MSRA: variants seen among roughly 807,000 people sequenced by gnomAD.
The protein encoded by MSRA is methionine sulfoxide reductase A.
MSRA carries 54 observed loss-of-function variants against 31.3 expected under a neutral mutation model. The observed-to-expected ratio is 1.73, with a 90% confidence interval of 1.39 to 2.17. The LOEUF (loss-of-function observed/expected upper bound fraction) is 2.17. MSRA is among the 30% of genes most tolerant of loss of function. The pLI, the probability that MSRA is intolerant of heterozygous loss-of-function variation, is 0.00. For missense variants in MSRA, 507 were observed against 300.9 expected (o/e 1.69, Z -5.07); for synonymous variants, 169 against 116.5 (o/e 1.45, Z -2.90).
chr8:10,326,773 T>C lies in MSRA; in HGVS notation c.543+6784T>C, dbSNP rs150794325. On this transcript the variant is annotated intron_variant, in intron 5 of 5. Coordinates refer to ENST00000317173, the MANE Select transcript of MSRA (RefSeq NM_012331.5). ...TTGCAAGACATCATCTAATGTATTA[T>C]TGTTTTTGGATTGTCAAATATGGAC... is the stretch of plus-strand genomic sequence containing the variant. 1.0e-3 allele frequency among the ~76,000 whole-genome samples: 151 copies of C among 151,554 alleles called. 1 individual carries two copies. In the East Asian group the frequency reaches 0.028, roughly 28 times the overall value.
chr8:10,170,829 A>G (rs1194942703), intron 1 of MSRA, among the ~76,000 whole-genome samples: 3 of 152,234 alleles, frequency 2.0e-5, no homozygotes, highest in African/African-American at 7.2e-5. Context: ...ACTCTGTCCA[A>G]TCAGCCCAAG....
At chr8:10,277,390 G>C (rs1459715207) in intron 3 of MSRA, among the ~76,000 whole-genome samples, 1 of 152,094 alleles carries the variant, frequency 6.6e-6, no homozygotes, top group Non-Finnish European at 1.5e-5. Flanking sequence ...TGTTTTCTTG[G>C]GAAGGTCACT....
chr8:10,157,407 T>C (rs998491901), intron 1 of MSRA, among the ~76,000 whole-genome samples: 2 of 152,148 alleles, frequency 1.3e-5, no homozygotes, highest in African/African-American at 4.8e-5. Context: ...CTGGTTGATA[T>C]CTCAGTTAAT....
chr8:10,324,784 T>C (rs1462202128), intron 5 of MSRA, among the ~76,000 whole-genome samples: 1 of 152,168 alleles, frequency 6.6e-6, no homozygotes, highest in Non-Finnish European at 1.5e-5. Flanking sequence ...CCATACAAGT[T>C]AGCCCCTGCC....
rs1202236887 is a variant in MSRA, at chr8:10,100,394, C to G, written c.142+45736C>G. On this transcript the variant is annotated intron_variant, in intron 1 of 5. Transcript: ENST00000317173. ...TGCCTTGATCTGCTGCAGGAAGGTA[C>G]CAAGTCCCCATTGTGCTTGTGGAGG... Among the ~76,000 whole-genome samples the G allele has an allele frequency of 3.3e-5, 5 of 152,080 alleles. No individual in the cohort carries two copies. In the East Asian group the frequency reaches 7.7e-4, roughly 24 times the overall value.
intron 1 of MSRA, among the ~76,000 whole-genome samples, chr8:10,142,549 T>G (rs1393238735): frequency 1.3e-5 from 2 of 152,232 alleles, no homozygotes; most frequent in African/African-American, 4.8e-5. Context: ...GAAGCTCTGA[T>G]TTTTCCCCTC....
At chr8:10,359,543 C>G (rs931450031) in intron 5 of MSRA, among the ~76,000 whole-genome samples, 2 of 152,202 alleles carry the variant, frequency 1.3e-5, no homozygotes, top group African/African-American at 4.8e-5. Context: ...TCCTCTCCTT[C>G]TCCACCTCCT....
intron 5 of MSRA, among the ~76,000 whole-genome samples, chr8:10,333,186 G>A (rs369696110): frequency 4.6e-5 from 7 of 152,104 alleles, no homozygotes; most frequent in East Asian, 3.9e-4. Context: ...ATTTCTCCAC[G>A]GGCCACACTC....
intron 1 of MSRA, among the ~76,000 whole-genome samples, chr8:10,066,012 TTAATATAA>T (rs1563390420): frequency 6.7e-6 from 1 of 149,148 alleles, no homozygotes; most frequent in African/African-American, 2.4e-5. Context: ...TTAATATAAC[TTAATATAA>T]TAATATATAA....
intron 1 of MSRA, among the ~76,000 whole-genome samples, chr8:10,182,589 G>A (rs957089728): frequency 2.0e-5 from 3 of 152,078 alleles, no homozygotes; most frequent in Non-Finnish European, 4.4e-5. Flanking sequence ...TTTATTGTGG[G>A]CACATAGTAG....
At chr8:10,166,408 ATG>A (rs1454782004) in intron 1 of MSRA, among the ~76,000 whole-genome samples, 7 of 151,826 alleles carry the variant, frequency 4.6e-5, no homozygotes, top group African/African-American at 1.5e-4. Flanking sequence ...ATATGTGTGT[ATG>A]TGTTTGCATA....
intron 1 of MSRA, chr8:10,095,852 C>G (rs554297411): frequency 1.6e-6 from 2 of 1,268,052 alleles, no homozygotes; most frequent in Non-Finnish European, 2.0e-6. Context: ...AGTGTCCATG[C>G]ATTTGGGAAA....
chr8:10,198,806 T>C (rs1030517038), intron 1 of MSRA, among the ~76,000 whole-genome samples: 1 of 152,182 alleles, frequency 6.6e-6, no homozygotes, highest in African/African-American at 2.4e-5. Context: ...TTATTTATTT[T>C]TTGTAGCAAT....
At chr8:10,166,994 G>A (rs1413861919) in intron 1 of MSRA, among the ~76,000 whole-genome samples, 1 of 152,132 alleles carries the variant, frequency 6.6e-6, no homozygotes, top group African/African-American at 2.4e-5. Context: ...AGAGGATGAG[G>A]TGACATGGAG....
chr8:10,232,049 C>T (rs1228959975), intron 2 of MSRA, among the ~76,000 whole-genome samples: 1 of 152,198 alleles, frequency 6.6e-6, no homozygotes, highest in Middle Eastern at 3.2e-3. Context: ...TGTACAGTCT[C>T]AGGGTGGAAT....
At chr8:10,304,441 G>C (rs1172641533) in intron 4 of MSRA, among the ~76,000 whole-genome samples, 1 of 152,240 alleles carries the variant, frequency 6.6e-6, no homozygotes, top group African/African-American at 2.4e-5. Flanking sequence ...GTTAGCACTT[G>C]AACATTAAAG....
At chr8:10,330,478 T>C (rs1218431898) in intron 5 of MSRA, among the ~76,000 whole-genome samples, 1 of 152,212 alleles carries the variant, frequency 6.6e-6, no homozygotes, top group Non-Finnish European at 1.5e-5. Context: ...CTCCTTATTC[T>C]CCCGTCCCAT....
At chr8:10,186,988 AG>A (rs1489090516) in intron 1 of MSRA, among the ~76,000 whole-genome samples, 2 of 152,142 alleles carry the variant, frequency 1.3e-5, no homozygotes, top group African/African-American at 4.8e-5. Flanking sequence ...GTGTTGGCAG[AG>A]GGTTGCCTTT....
At chr8:10,257,710 G>A (rs183219518) in intron 3 of MSRA, among the ~76,000 whole-genome samples, 222 of 152,312 alleles carry the variant, frequency 1.5e-3, no homozygotes, top group Admixed American at 3.6e-3. Context: ...TGTTAAATAA[G>A]TACAGTTGTC....
Sources: allele counts gnomAD v4.1 joint callset (sites outside exome capture counted in the v4.1 genomes callset), GRCh38; gene constraint gnomAD v4.1.1; transcripts MANE v1.5; gene names NCBI Gene and HGNC (gene_info 2026-07-23, HGNC 2026-07-21).